The following NR2F1-AS1 variants were observed in gnomAD, a reference collection of about 807,000 sequenced individuals.
NR2F1-AS1 encodes NR2F1 regulatory antisense RNA 1.
At chr5:93,418,835 C>T (rs1749026274) in intron 4 of NR2F1-AS1, among the ~76,000 whole-genome samples, 1 of 152,136 alleles carries the variant, frequency 6.6e-6, no homozygotes, top group Non-Finnish European at 1.5e-5. Context: ...TTTCAAGTCA[C>T]TGAAAGCATT....
At chr5:93,495,128 T>C (rs1750932717) in intron 4 of NR2F1-AS1, among the ~76,000 whole-genome samples, 1 of 152,186 alleles carries the variant, frequency 6.6e-6, no homozygotes, top group Non-Finnish European at 1.5e-5. Flanking sequence ...TTTTCTTTGA[T>C]TCTTTCAAAC....
intron 4 of NR2F1-AS1, among the ~76,000 whole-genome samples, chr5:93,456,846 G>A (rs112334625): frequency 2.4e-3 from 372 of 152,208 alleles, no homozygotes; most frequent in Non-Finnish European, 4.3e-3. Flanking sequence ...ATAGTGGGGA[G>A]AGGGTCAGCA....
chr5:93,582,719 C>T (rs908994876), upstream of NR2F1-AS1, among the ~76,000 whole-genome samples: 3 of 152,188 alleles, frequency 2.0e-5, no homozygotes. Flanking sequence ...TTTTGCCCAT[C>T]GCTAGGCGTT....
At chr5:93,556,649 T>C (rs1254839926) in intron 2 of NR2F1-AS1, among the ~76,000 whole-genome samples, 1 of 152,086 alleles carries the variant, frequency 6.6e-6, no homozygotes, top group African/African-American at 2.4e-5. Context: ...GAGACAGACA[T>C]GCACACAGGA....
chr5:93,479,828 A>G (rs1750562924), intron 4 of NR2F1-AS1, among the ~76,000 whole-genome samples: 1 of 150,514 alleles, frequency 6.6e-6, no homozygotes, highest in African/African-American at 2.5e-5. Flanking sequence ...AGAAATATCA[A>G]TAAAGGAATA....
At chr5:93,450,914 CAA>C (rs60895927) in intron 4 of NR2F1-AS1, among the ~76,000 whole-genome samples, 56 of 54,038 alleles carry the variant, frequency 1.0e-3, no homozygotes, top group African/African-American at 2.6e-3. Flanking sequence ...GAATCTGCTT[CAA>C]AAAAAAAAAA....
upstream of NR2F1-AS1, chr5:93,581,217 G>T: frequency 6.6e-6 from 1 of 152,504 alleles, no homozygotes; most frequent in South Asian, 2.0e-4. Flanking sequence ...CTCGAGCTGA[G>T]ACAAACTTTT....
intron 1 of NR2F1-AS1, among the ~76,000 whole-genome samples, chr5:93,574,407 C>T (rs183251459): frequency 6.6e-6 from 1 of 152,278 alleles, no homozygotes; most frequent in Admixed American, 6.5e-5. Flanking sequence ...AAATTGTCAC[C>T]ACAGAGAAAG....
At chr5:93,497,230 G>A (rs951222290) in intron 4 of NR2F1-AS1, among the ~76,000 whole-genome samples, 1 of 152,136 alleles carries the variant, frequency 6.6e-6, no homozygotes, top group African/African-American at 2.4e-5. Flanking sequence ...GCAATGTGAA[G>A]GACGTGCATG....
At chr5:93,573,988 T>C (rs1378862043) in intron 1 of NR2F1-AS1, among the ~76,000 whole-genome samples, 1 of 152,260 alleles carries the variant, frequency 6.6e-6, no homozygotes, top group Non-Finnish European at 1.5e-5. Flanking sequence ...TTACCCATCG[T>C]TGGAGCTGAC....
intron 4 of NR2F1-AS1, among the ~76,000 whole-genome samples, chr5:93,526,844 T>C (rs1387124296): frequency 2.0e-5 from 3 of 152,146 alleles, no homozygotes; most frequent in Non-Finnish European, 4.4e-5. Flanking sequence ...ATGGAACGTA[T>C]CTCAAAATAA....
At position 93,471,066 on chromosome 5, in the gene NR2F1-AS1, C is replaced by A. The variant is rs1750354924; in HGVS notation, n.639-75524G>T. ...AAGATATATTTTTGAAAATCCCAGG[C>A]TAGATCACATAGTCATTAGAATGTT... is the stretch of plus-strand genomic sequence containing the variant. On this transcript the variant is annotated intron_variant and non_coding_transcript_variant, in intron 4 of 5. Transcript: ENST00000660523. 2.6e-5 allele frequency among the ~76,000 whole-genome samples: 4 copies of A among 151,922 alleles called. No individual in the cohort carries two copies. The South Asian group carries it at 8.3e-4, about 32-fold the overall frequency.
intron 4 of NR2F1-AS1, among the ~76,000 whole-genome samples, chr5:93,411,740 A>G (rs539820864): frequency 2.2e-5 from 3 of 136,506 alleles, no homozygotes; most frequent in African/African-American, 7.3e-5. Flanking sequence ...GAAATCAGAA[A>G]TATCACATAC....
chr5:93,417,410 C>G (rs1393567472), intron 4 of NR2F1-AS1, among the ~76,000 whole-genome samples: 2 of 152,182 alleles, frequency 1.3e-5, no homozygotes, highest in East Asian at 3.8e-4. Flanking sequence ...AAAACTAAAA[C>G]AGATAAAGAG....
At chr5:93,564,909 A>G (rs941110077) in intron 1 of NR2F1-AS1, among the ~76,000 whole-genome samples, 3 of 152,190 alleles carry the variant, frequency 2.0e-5, no homozygotes, top group African/African-American at 7.2e-5. Flanking sequence ...AATACAGAAG[A>G]GCTTCACAGG....
chr5:93,414,283 C>T (rs1748921516), intron 4 of NR2F1-AS1, among the ~76,000 whole-genome samples: 2 of 152,180 alleles, frequency 1.3e-5, no homozygotes, highest in Admixed American at 6.5e-5. Context: ...GACACTGCCC[C>T]TAATACCCAC....
At chr5:93,490,895 TGTGGTAGTGGTG>T (rs1464786276) in intron 4 of NR2F1-AS1, among the ~76,000 whole-genome samples, 1 of 120,490 alleles carries the variant, frequency 8.3e-6, no homozygotes, top group Admixed American at 8.3e-5. Context: ...TCATTGTGGT[TGTGGTAGTGGTG>T]GTGGTGATGG....
intron 4 of NR2F1-AS1, among the ~76,000 whole-genome samples, chr5:93,519,008 C>T (rs1297144056): frequency 1.3e-5 from 2 of 151,960 alleles, no homozygotes; most frequent in African/African-American, 4.8e-5. Context: ...ACTTAAGTGG[C>T]CTCTTTCTGA....
chr5:93,581,735 C>CCCCT (rs1283885929), upstream of NR2F1-AS1, among the ~76,000 whole-genome samples: 3 of 26,778 alleles, frequency 1.1e-4, no homozygotes, highest in East Asian at 1.3e-3. Context: ...TCTCTCTCTC[C>CCCCT]CCCTCTCCCT....
Sources: gnomAD v4.1 joint callset for allele counts (sites outside exome capture counted in the v4.1 genomes callset) on GRCh38, gnomAD v4.1.1 for gene constraint, MANE v1.5 for transcripts, NCBI Gene and HGNC (gene_info 2026-07-23, HGNC 2026-07-21) for gene names.